The following ZNF256 variants were observed in gnomAD, a reference collection of about 807,000 sequenced individuals.
ZNF256 encodes the protein zinc finger protein 256, also known as bone marrow zinc finger 3.
ZNF256 carries 4 observed loss-of-function variants against 7.9 expected under a neutral mutation model. The observed-to-expected ratio is 0.50, with a 90% CI of 0.25 to 1.15. The LOEUF (loss-of-function observed/expected upper bound fraction) is 1.15. Among genes scored for constraint, ZNF256 ranks in the 50% most tolerant of loss-of-function variants. ZNF256 has a pLI of 0.15. For synonymous variants in ZNF256, 260 were observed against 260.4 expected, an observed-to-expected ratio of 1.00 and a Z score of 0.02; for missense variants, 666 against 755.9, an observed-to-expected ratio of 0.88 and a Z score of 1.39.
rs777447227 is a variant in ZNF256, at chr19:57,943,945, G to GT, written c.148dup (p.Thr50AsnfsTer12). On this transcript the variant is annotated frameshift_variant, in exon 2 of 3. Coordinates refer to ENST00000282308, the MANE Select transcript of ZNF256 (RefSeq NM_005773.3). LOFTEE classifies it low-confidence loss of function (END_TRUNC). ...TGTGAGGACCTTACCCAGGGAGGTTGTAAGTGTCAAGTTCTCCAGCATCAC... is the reference window on the plus strand; with the variant it reads ...TGTGAGGACCTTACCCAGGGAGGTTGTTAAGTGTCAAGTTCTCCAGCATCAC... The GT allele has an allele frequency of 1.9e-6, 3 of 1,614,024 alleles. No individual in the cohort carries two copies. Among genetic ancestry groups the GT allele is most frequent in the South Asian group, 1.1e-5 (1 of 91,086 alleles).
intron 2 of ZNF256, 109 bp from the exon 3 acceptor site, chr19:57,942,756 T>C: frequency 7.4e-7 from 1 of 1,346,074 alleles, no homozygotes; most frequent in Non-Finnish European, 1.0e-6. Flanking sequence ...CATGGGGTTG[T>C]TTTCAGGACC....
rs1335701160 is a variant in ZNF256 at position 57,941,512 on chromosome 19, T to A, written c.1296A>T (p.Val432=). 3.7e-6 allele frequency: 6 copies of A among 1,614,030 alleles called. No homozygotes were observed. The highest frequency in any genetic ancestry group is 5.1e-6 in the Non-Finnish European group (6 of 1,180,054). Residue 432 remains valine (V), a synonymous_variant, in exon 3 of 3, where the codon GTA becomes GTT. Coordinates refer to ENST00000282308, the MANE Select transcript of ZNF256 (RefSeq NM_005773.3). ...CACATTCATGACATTCATGAGATCT[T>A]ACTCCAGTATGAACTCTCTGGTGTT... ...FFQHQRVHTG[V]RSHECHECGK... is the part of the protein sequence containing the mutation.
In ZNF256 at chr19:57,947,519, C is replaced by T. The variant is rs1600199015; in HGVS notation, c.-45G>A. On this transcript the variant is annotated 5_prime_UTR_variant, in exon 1 of 3. Transcript: ENST00000282308. ...GGGGCCAGAGAGGATGTCCTTATTC[C>T]GGGCCGGGCCTGGGTACCCTGGGCG... 9 of 1,248,792 alleles carry T rather than the reference C, an allele frequency of 7.2e-6. No individual in the cohort carries two copies. The highest frequency in any genetic ancestry group is 8.4e-5 in the Admixed American group (2 of 23,716). The allele number at this position is 1,248,792 out of a possible 1,614,324, so 77.4% of individuals were successfully genotyped here. A position where few individuals can be genotyped will look rare whatever the true frequency, so the allele number is the denominator to read the frequency against.
Position 57,941,614 on chromosome 19 carries a change from C to A in ZNF256, c.1194G>T (p.Arg398=). The part of the protein sequence containing the change: ...FSQSCHLIKH[R]RLHIGEGPYE... The stretch of plus-strand genomic sequence containing the variant: ...AAGGCCCTTCTCCAATGTGAAGTCT[C>A]CGGTGTTTAATGAGGTGACAGCTCT... Residue 398 remains arginine, a synonymous_variant, in exon 3 of 3, where the codon CGG becomes CGT. Transcript: ENST00000282308. The A allele has an allele frequency of 6.2e-7, 1 of 1,614,126 alleles. No homozygotes were observed. Among genetic ancestry groups the A allele is most frequent in the Non-Finnish European group, 8.5e-7 (1 of 1,180,020 alleles).
At chr19:57,943,056 G>A (rs1170356372) in intron 2 of ZNF256, among the ~76,000 whole-genome samples, 11 of 152,194 alleles carry the variant, frequency 7.2e-5, no homozygotes, top group Non-Finnish European at 1.2e-4. Context: ...GGCCAACACT[G>A]AAGAGCACTG....
At position 57,940,982 on chromosome 19, in the gene ZNF256, CCA is replaced by C. The variant is rs771767393; in HGVS notation, c.1824_1825del (p.Cys608TrpfsTer24). On this transcript the variant is annotated frameshift_variant, in exon 3 of 3. Coordinates refer to ENST00000282308, the MANE Select transcript of ZNF256 (RefSeq NM_005773.3). LOFTEE classifies it low-confidence loss of function (END_TRUNC). The stretch of plus-strand genomic sequence containing the variant: ...GTTGGAGTTGAAGGTAAAAAATTTT[CCA>C]CAGTCACTACACTCATAAGGCCTTT... 14 of 1,614,164 alleles carry C rather than the reference CCA, an allele frequency of 8.7e-6. No individual in the cohort carries two copies. The East Asian group carries it at 8.9e-5, about 10-fold the overall frequency.
Position 57,941,957 on chromosome 19 carries a change from G to C in ZNF256, c.851C>G (p.Thr284Arg), listed in dbSNP as rs187462688. 1 of 1,614,114 alleles carries C rather than the reference G, an allele frequency of 6.2e-7. No homozygotes were observed. The highest frequency in any genetic ancestry group is 1.3e-5 in the African/African-American group (1 of 75,030). ...KSYRQSSSLI[T>R]HRRIHTGVRP... ...TACTCCAGTGTGAATTCTTCGGTGC[G>C]TAATAAGGCTAGAGCTTTGCCTATA... The change falls in exon 3 of 3, where the codon ACG becomes AGG. Residue 284 changes from threonine to arginine, a missense_variant. By Grantham distance (71) the Thr-to-Arg change is moderately conservative. Transcript: ENST00000282308.
rs768529169 is a variant in ZNF256 at position 57,942,081 on chromosome 19, C to G, written c.727G>C (p.Glu243Gln). Residue 243 changes from glutamate (E) to glutamine (Q), a missense_variant, in exon 3 of 3, where the codon GAA becomes CAA. Transcript: ENST00000282308. ...LIRERSYMCSECGKSFSTSCS... is the reference protein window; with the variant it reads ...LIRERSYMCSQCGKSFSTSCS... Reference sequence around the variant, plus strand: ...CTTGTGCTAAAAGATTTCCCACATTCACTGCACATGTAAGATCTTTCCCTA... The same window carrying G: ...CTTGTGCTAAAAGATTTCCCACATTGACTGCACATGTAAGATCTTTCCCTA... 1 of 1,614,126 alleles carries G rather than the reference C, an allele frequency of 6.2e-7. No individual in the cohort carries two copies. Among genetic ancestry groups the G allele is most frequent in the African/African-American group, 1.3e-5 (1 of 74,944 alleles).
intron 1 of ZNF256, among the ~76,000 whole-genome samples, chr19:57,946,370 C>A (rs560215077): frequency 6.6e-6 from 1 of 152,158 alleles, no homozygotes; most frequent in Non-Finnish European, 1.5e-5. Context: ...AACCTGATAT[C>A]CCTAGTGAAT....
At position 57,942,357 on chromosome 19, in the gene ZNF256, C is replaced by T. The variant is rs2072736262; in HGVS notation, c.451G>A (p.Gly151Ser). The T allele has an allele frequency of 6.2e-7, 1 of 1,614,060 alleles. No individual in the cohort carries two copies. Among genetic ancestry groups the T allele is most frequent in the African/African-American group, 1.3e-5 (1 of 74,920 alleles). The change falls in exon 3 of 3, where the codon GGC (glycine) becomes AGC (serine). Residue 151 changes from glycine to serine, a missense_variant. Physicochemically the swap from Gly to Ser is moderately conservative, Grantham distance 56 (BLOSUM62 0). Coordinates refer to ENST00000282308, the MANE Select transcript of ZNF256 (RefSeq NM_005773.3). Reference protein sequence around the residue: ...VGQKHFRSNGGRDMFLSSCTF... With the variant: ...VGQKHFRSNGSRDMFLSSCTF... ...CAGCTGCTCAAAAACATGTCTCTGC[C>T]CCCATTGCTTCTGAAGTGTTTCTGT...
chr19:57,944,913 ATT>A (rs113198547), intron 1 of ZNF256, among the ~76,000 whole-genome samples: 55 of 145,680 alleles, frequency 3.8e-4, no homozygotes, highest in East Asian at 6.1e-4. Context: ...CAGTTTATTA[ATT>A]TTTTTTTTTT....
At position 57,947,558 on chromosome 19, in the gene ZNF256, G is replaced by T; in HGVS notation, c.-84C>A. The T allele has an allele frequency of 8.3e-7, 1 of 1,209,528 alleles. No homozygotes were observed. Among genetic ancestry groups the T allele is most frequent in the Non-Finnish European group, 1.1e-6 (1 of 952,246 alleles). The allele number at this position is 1,209,528 out of a possible 1,614,324, so 74.9% of individuals were successfully genotyped here. The stretch of plus-strand genomic sequence containing the variant: ...GTACCCTGGGCGCCGCCGAGCCTCA[G>T]CCACGCCTCTGTGCAGCGGGGAAGA... On this transcript the variant is annotated 5_prime_UTR_variant, in exon 1 of 3. The change creates a new upstream start codon in the 5' untranslated region. Transcript: ENST00000282308.
intron 1 of ZNF256, among the ~76,000 whole-genome samples, chr19:57,946,038 T>C (rs550490801): frequency 6.6e-6 from 1 of 152,308 alleles, no homozygotes; most frequent in African/African-American, 2.4e-5. Context: ...TGCGTTTGCA[T>C]CCATCTCATG....
chr19:57,947,122 G>A (rs2072771928), intron 1 of ZNF256, among the ~76,000 whole-genome samples: 1 of 152,230 alleles, frequency 6.6e-6, no homozygotes, highest in African/African-American at 2.4e-5. Context: ...AACGTAGAAA[G>A]AGCCAGGCCT....
At chr19:57,944,843 A>G (rs1322680383) in intron 1 of ZNF256, among the ~76,000 whole-genome samples, 1 of 152,260 alleles carries the variant, frequency 6.6e-6, no homozygotes, top group Non-Finnish European at 1.5e-5. Context: ...AGAACAAAAA[A>G]AAAGAGTGGA....
Position 57,941,208 on chromosome 19 carries a change from G to A in ZNF256, c.1600C>T (p.Leu534Phe). The A allele has an allele frequency of 6.2e-7, 1 of 1,613,874 alleles. No individual in the cohort carries two copies. Among genetic ancestry groups the A allele is most frequent in the Non-Finnish European group, 8.5e-7 (1 of 1,179,788 alleles). ...CGKFFSQSSS[L>F]IRHRRSHTGE... ...GTGTGACTTCTCCTATGTCTAATGA[G>A]GCTGGAGCTCTGGCTAAAAAACTTC... Residue 534 changes from leucine (L) to phenylalanine (F), a missense_variant, in exon 3 of 3, where the codon CTC (leucine) becomes TTC (phenylalanine). Physicochemically the swap from Leu to Phe is conservative, Grantham distance 22 (BLOSUM62 0). Transcript: ENST00000282308.
chr19:57,946,777 T>C (rs563533423), intron 1 of ZNF256, among the ~76,000 whole-genome samples: 67 of 152,368 alleles, frequency 4.4e-4, no homozygotes, highest in Middle Eastern at 3.4e-3. Context: ...CCTATCCTCC[T>C]GTTCTTTGCT....
intron 1 of ZNF256, among the ~76,000 whole-genome samples, chr19:57,944,554 G>C (rs1374595281): frequency 2.0e-5 from 3 of 152,254 alleles, no homozygotes; most frequent in Non-Finnish European, 4.4e-5. Flanking sequence ...GCCGGGTGCA[G>C]TGGCTCATGC....
chr19:57,944,295 G>A (rs1426992828), intron 1 of ZNF256, among the ~76,000 whole-genome samples: 1 of 152,198 alleles, frequency 6.6e-6, no homozygotes. Context: ...AGCTGTGGGC[G>A]TGGCATAAGG....
Sources: allele counts gnomAD v4.1 joint callset (sites outside exome capture counted in the v4.1 genomes callset), GRCh38; gene constraint gnomAD v4.1.1; transcripts MANE v1.5; gene names NCBI Gene and HGNC (gene_info 2026-07-23, HGNC 2026-07-21).